The following PDIA5 variants were observed in gnomAD, a reference collection of about 807,000 sequenced individuals.
PDIA5 encodes the protein protein disulfide isomerase family A member 5, also known as protein disulfide-isomerase A5.
A neutral mutation model predicts 77.6 loss-of-function variants in PDIA5; 58 were observed. The ratio of observed to expected loss-of-function variants is 0.75; its 90% CI spans 0.61 to 0.93. The LOEUF is 0.93. Ranked by LOEUF, PDIA5 falls within the 40% of genes least tolerant of loss-of-function variation. PDIA5 has a pLI of 0.00. For missense variants in PDIA5, 630 were observed against 647.7 expected, an observed-to-expected ratio of 0.97 and a Z score of 0.30; for synonymous variants, 250 against 252.1, an observed-to-expected ratio of 0.99 and a Z score of 0.08.
chr3:123,082,006 C>T (rs1278818565), intron 1 of PDIA5, among the ~76,000 whole-genome samples: 1 of 152,230 alleles, frequency 6.6e-6, no homozygotes, highest in African/African-American at 2.4e-5. Flanking sequence ...CACACACTTC[C>T]TGCACACAGC....
intron 4 of PDIA5, 101 bp downstream of exon 4, chr3:123,102,595 G>C: frequency 9.1e-7 from 1 of 1,093,794 alleles, no homozygotes; most frequent in Non-Finnish European, 1.4e-6. Flanking sequence ...TTTTATTTCA[G>C]AATGGTTTTC....
At chr3:123,130,380 C>T in intron 10 of PDIA5, 100 bp from the exon 11 acceptor site, 1 of 1,339,192 alleles carries the variant, frequency 7.5e-7, no homozygotes, top group Non-Finnish European at 1.0e-6. Flanking sequence ...AGTGGGCCGT[C>T]CCGAGCCCAT....
intron 13 of PDIA5, among the ~76,000 whole-genome samples, chr3:123,147,996 G>T (rs144049845): frequency 4.6e-5 from 7 of 152,340 alleles, no homozygotes; most frequent in African/African-American, 9.6e-5. Flanking sequence ...TGTCCTTTCT[G>T]TGTGCCACTG....
intron 6 of PDIA5, among the ~76,000 whole-genome samples, chr3:123,109,193 G>A (rs748552829): frequency 6.6e-6 from 1 of 152,140 alleles, no homozygotes; most frequent in African/African-American, 2.4e-5. Flanking sequence ...AAGTATAGCT[G>A]GTTCTCTGCT....
chr3:123,130,744 G>A, intron 11 of PDIA5, 128 bp downstream of exon 11: 1 of 1,046,972 alleles, frequency 9.6e-7, no homozygotes, highest in South Asian at 1.5e-5. Flanking sequence ...CTAAGCCAGG[G>A]GATGCAGTGG....
chr3:123,123,950 G>A (rs890640469), intron 8 of PDIA5, 116 bp from the exon 9 acceptor site: 10 of 714,926 alleles, frequency 1.4e-5, no homozygotes, highest in Admixed American at 8.0e-5. Flanking sequence ...ACATCAGTCT[G>A]TGGGGCTTTG....
intron 1 of PDIA5, among the ~76,000 whole-genome samples, chr3:123,070,016 G>T (rs1411488231): frequency 6.6e-6 from 1 of 151,696 alleles, no homozygotes; most frequent in Non-Finnish European, 1.5e-5. Context: ...CTTGAACCCA[G>T]GAGGCAGAGG....
chr3:123,147,391 A>T (rs1935795725), intron 13 of PDIA5, among the ~76,000 whole-genome samples: 1 of 152,186 alleles, frequency 6.6e-6, no homozygotes, highest in Non-Finnish European at 1.5e-5. Context: ...GGACATCAAC[A>T]TATGAATTAG....
At chr3:123,087,840 G>A (rs772795981) in intron 1 of PDIA5, among the ~76,000 whole-genome samples, 1 of 152,160 alleles carries the variant, frequency 6.6e-6, no homozygotes, top group Non-Finnish European at 1.5e-5. Context: ...GGAGATTTGA[G>A]CAGGAACCCA....
intron 6 of PDIA5, among the ~76,000 whole-genome samples, chr3:123,109,943 C>T (rs950148459): frequency 6.6e-6 from 1 of 152,220 alleles, no homozygotes; most frequent in African/African-American, 2.4e-5. Flanking sequence ...GATGTGCCAT[C>T]ATTTATTTAC....
chr3:123,098,977 TAGGTA>T (rs1934513619), intron 3 of PDIA5, among the ~76,000 whole-genome samples: 1 of 152,208 alleles, frequency 6.6e-6, no homozygotes, highest in Admixed American at 6.5e-5. Context: ...TCTCTGAGCT[TAGGTA>T]ATTTTCTCCC....
chr3:123,088,721 C>T (rs531145672), intron 1 of PDIA5, among the ~76,000 whole-genome samples: 2 of 152,298 alleles, frequency 1.3e-5, no homozygotes, highest in Admixed American at 6.5e-5. Flanking sequence ...TGCATCTAAC[C>T]TATGCATGAC....
At position 123,106,915 on chromosome 3, in the gene PDIA5, C is replaced by T. The variant is rs192908179; in HGVS notation, c.480+74C>T. 3 of 967,234 alleles carry T rather than the reference C, an allele frequency of 3.1e-6. No individual in the cohort carries two copies. In the Admixed American group the frequency reaches 6.2e-5, roughly 20 times the overall value. 59.9% of individuals were successfully genotyped at this position (967,234 alleles called of 1,614,324 possible). ...ACCAGGGCCTCCCAAGGAAAGGAGCCCAACGAACTGAGAAATGGGACTATT... is the reference window on the plus strand; with the variant it reads ...ACCAGGGCCTCCCAAGGAAAGGAGCTCAACGAACTGAGAAATGGGACTATT... On this transcript the variant is annotated intron_variant, in intron 6 of 16. Coordinates refer to ENST00000316218, the MANE Select transcript of PDIA5 (RefSeq NM_006810.4).
chr3:123,116,385 T>C (rs2278668), intron 8 of PDIA5, 87 bp downstream of exon 8: 530,564 of 984,878 alleles, frequency 0.54, 148,430 homozygotes, highest in Admixed American at 0.58. Flanking sequence ...GGGACAGGTT[T>C]TGAAATGGTG....
chr3:123,151,119 C>T lies in PDIA5; in HGVS notation c.1273+755C>T, dbSNP rs1199135185. On this transcript the variant is annotated intron_variant, in intron 14 of 16. Transcript: ENST00000316218. ...GGCCCTCCTGTTGGCTCCCCCGTCC[C>T]CACCTTTCAAGTGTCAGTAATCCGT... 3.9e-5 allele frequency among the ~76,000 whole-genome samples: 6 copies of T among 152,212 alleles called. No individual in the cohort carries two copies. The East Asian group carries it at 5.8e-4, about 15-fold the overall frequency.
At chr3:123,136,850 G>A (rs1240465284) in intron 11 of PDIA5, among the ~76,000 whole-genome samples, 4 of 151,626 alleles carry the variant, frequency 2.6e-5, no homozygotes, top group African/African-American at 4.8e-5. Context: ...AGGTCTCGAA[G>A]ATATTTTCAT....
At chr3:123,113,215 G>A (rs1475621307) in intron 7 of PDIA5, among the ~76,000 whole-genome samples, 2 of 152,198 alleles carry the variant, frequency 1.3e-5, no homozygotes, top group Admixed American at 6.5e-5. Context: ...CTGTAAAATG[G>A]AGTGTATATC....
At chr3:123,100,333 GA>G (rs1228514937) in intron 3 of PDIA5, among the ~76,000 whole-genome samples, 1 of 152,266 alleles carries the variant, frequency 6.6e-6, no homozygotes, top group Non-Finnish European at 1.5e-5. Flanking sequence ...GTTGTCAGAA[GA>G]GGCATGCGTG....
At chr3:123,151,879 T>G (rs1486296881) in intron 14 of PDIA5, among the ~76,000 whole-genome samples, 1 of 135,522 alleles carries the variant, frequency 7.4e-6, no homozygotes, top group Non-Finnish European at 1.6e-5. Flanking sequence ...CTGCCCGCCT[T>G]CCTGCCTGCC....
Sources: gnomAD v4.1 joint callset for allele counts (sites outside exome capture counted in the v4.1 genomes callset) on GRCh38, gnomAD v4.1.1 for gene constraint, MANE v1.5 for transcripts, NCBI Gene and HGNC (gene_info 2026-07-23, HGNC 2026-07-21) for gene names.